The following NR2F1-AS1 variants were observed in gnomAD, a reference collection of about 807,000 sequenced individuals.
NR2F1-AS1 encodes the protein NR2F1 regulatory antisense RNA 1, also known as NR2F1 antisense RNA 1.
intron 4 of NR2F1-AS1, among the ~76,000 whole-genome samples, chr5:93,477,269 T>C (rs1298041795): frequency 6.6e-6 from 1 of 152,160 alleles, no homozygotes; most frequent in Non-Finnish European, 1.5e-5. Context: ...GAAAGTAATA[T>C]TAAACTGAAA....
chr5:93,527,453 T>C (rs1017204188), intron 4 of NR2F1-AS1, among the ~76,000 whole-genome samples: 9 of 152,138 alleles, frequency 5.9e-5, no homozygotes, highest in African/African-American at 2.2e-4. Context: ...GCTATCCCCA[T>C]CAAGCTACCA....
chr5:93,461,741 A>G (rs897032142), intron 4 of NR2F1-AS1, among the ~76,000 whole-genome samples: 3 of 152,184 alleles, frequency 2.0e-5, no homozygotes, highest in Non-Finnish European at 4.4e-5. Flanking sequence ...TTAAATATGC[A>G]CTACAGATGG....
At chr5:93,473,701 T>TACAC (rs984274698) in intron 4 of NR2F1-AS1, among the ~76,000 whole-genome samples, 3 of 150,450 alleles carry the variant, frequency 2.0e-5, no homozygotes, top group African/African-American at 7.3e-5. Flanking sequence ...CACACACACA[T>TACAC]ACACACACAC....
At chr5:93,525,207 A>G (rs553430052) in intron 4 of NR2F1-AS1, among the ~76,000 whole-genome samples, 10 of 152,316 alleles carry the variant, frequency 6.6e-5, no homozygotes, top group African/African-American at 2.4e-4. Flanking sequence ...AGGGGTTACA[A>G]TCCTAGTCTC....
intron 4 of NR2F1-AS1, among the ~76,000 whole-genome samples, chr5:93,502,215 T>C (rs747021046): frequency 7.2e-5 from 11 of 152,190 alleles, no homozygotes; most frequent in Non-Finnish European, 1.0e-4. Flanking sequence ...TATCGCAATA[T>C]CCACTTTAAT....
chr5:93,473,463 C>A (rs962860770), intron 4 of NR2F1-AS1, among the ~76,000 whole-genome samples: 2 of 151,612 alleles, frequency 1.3e-5, no homozygotes, highest in Admixed American at 1.3e-4. Flanking sequence ...GGAAGCCTCC[C>A]GTTGCCTCAC....
At chr5:93,445,092 G>A (rs1197589938) in intron 4 of NR2F1-AS1, among the ~76,000 whole-genome samples, 10 of 151,996 alleles carry the variant, frequency 6.6e-5, no homozygotes, top group Non-Finnish European at 1.0e-4. Context: ...CCAACAAGAG[G>A]AAGCAGGAAA....
chr5:93,487,897 T>C (rs1325931864), intron 4 of NR2F1-AS1, among the ~76,000 whole-genome samples: 1 of 152,076 alleles, frequency 6.6e-6, no homozygotes, highest in East Asian at 1.9e-4. Flanking sequence ...AAAACATATA[T>C]AGACCAATGG....
intron 4 of NR2F1-AS1, among the ~76,000 whole-genome samples, chr5:93,471,621 A>G (rs184118611): frequency 1.8e-3 from 271 of 151,990 alleles, no homozygotes; most frequent in South Asian, 2.5e-3. Context: ...AGGAGTTTAT[A>G]AGACTGCTAT....
intron 4 of NR2F1-AS1, among the ~76,000 whole-genome samples, chr5:93,527,892 C>A (rs536951463): frequency 8.7e-4 from 132 of 152,244 alleles, no homozygotes; most frequent in African/African-American, 3.0e-3. Context: ...ACCATAAAAA[C>A]CCTAGAAGAA....
At chr5:93,499,271 A>C (rs1333299670) in intron 4 of NR2F1-AS1, among the ~76,000 whole-genome samples, 1 of 152,150 alleles carries the variant, frequency 6.6e-6, no homozygotes, top group Non-Finnish European at 1.5e-5. Context: ...GGCATATCTC[A>C]CTTTACTGTG....
chr5:93,581,805 C>G (rs1249319813), upstream of NR2F1-AS1, among the ~76,000 whole-genome samples: 4 of 64,438 alleles, frequency 6.2e-5, 1 homozygote, highest in African/African-American at 1.9e-4. Flanking sequence ...CTCCCTCTCC[C>G]TCTCCCTCTC....
chr5:93,534,077 A>T (rs972463107), intron 4 of NR2F1-AS1, among the ~76,000 whole-genome samples: 1 of 152,148 alleles, frequency 6.6e-6, no homozygotes, highest in African/African-American at 2.4e-5. Flanking sequence ...CGAGTGTCAC[A>T]ACAACAACAA....
chr5:93,445,744 C>CA (rs1433382680), intron 4 of NR2F1-AS1, among the ~76,000 whole-genome samples: 4 of 151,834 alleles, frequency 2.6e-5, no homozygotes, highest in African/African-American at 7.3e-5. Context: ...AGAGACACAA[C>CA]AAAAAAAGAG....
At chr5:93,459,202 A>C (rs558965951) in intron 4 of NR2F1-AS1, among the ~76,000 whole-genome samples, 1 of 152,264 alleles carries the variant, frequency 6.6e-6, no homozygotes, top group African/African-American at 2.4e-5. Flanking sequence ...AATATCTGAA[A>C]TATTCAGATA....
intron 1 of NR2F1-AS1, among the ~76,000 whole-genome samples, chr5:93,574,809 G>T (rs1752859773): frequency 6.6e-6 from 1 of 152,104 alleles, no homozygotes; most frequent in Non-Finnish European, 1.5e-5. Flanking sequence ...ACGCCCCACC[G>T]GAGCTTCCAA....
At chr5:93,472,707 A>G (rs1750393960) in intron 4 of NR2F1-AS1, among the ~76,000 whole-genome samples, 1 of 151,908 alleles carries the variant, frequency 6.6e-6, no homozygotes. Flanking sequence ...TTTAGTACCT[A>G]AGCAAACCAA....
intron 4 of NR2F1-AS1, chr5:93,496,078 T>C (rs1750954112): frequency 6.6e-6 from 1 of 152,200 alleles, no homozygotes; most frequent in Non-Finnish European, 1.5e-5. Context: ...TTAGTATCTA[T>C]TCTTCCAATA....
chr5:93,459,052 G>A (rs530954777), intron 4 of NR2F1-AS1, among the ~76,000 whole-genome samples: 3 of 151,986 alleles, frequency 2.0e-5, no homozygotes, highest in Admixed American at 6.6e-5. Flanking sequence ...ACACCACAGA[G>A]TGGGAGAAAA....
Sources: gnomAD v4.1 joint callset for allele counts (sites outside exome capture counted in the v4.1 genomes callset) on GRCh38, gnomAD v4.1.1 for gene constraint, MANE v1.5 for transcripts, NCBI Gene and HGNC (gene_info 2026-07-23, HGNC 2026-07-21) for gene names.